Variants in FAM227B observed in about 807,000 individuals in gnomAD.
FAM227B encodes the protein protein FAM227B.
FAM227B carries 88 observed loss-of-function variants against 73.8 expected under a neutral mutation model. That is an observed-to-expected ratio of 1.19 (90% CI 1.00 to 1.42). The LOEUF is 1.42. Ranked by LOEUF, FAM227B falls within the 40% of genes most tolerant of loss-of-function variation. The probability of loss-of-function intolerance (pLI) is 0.00; values close to 1 mark genes in which losing one functional copy is unlikely to be tolerated. For synonymous variants in FAM227B, 210 were observed against 190.5 expected, an observed-to-expected ratio of 1.10 and a Z score of -0.84; for missense variants, 632 against 590.9, an observed-to-expected ratio of 1.07 and a Z score of -0.72.
chr15:49,437,902 C>T (rs1486386291), intron 11 of FAM227B, among the ~76,000 whole-genome samples: 1 of 151,530 alleles, frequency 6.6e-6, no homozygotes, highest in African/African-American at 2.4e-5. Flanking sequence ...CTAACAGAAC[C>T]TGGGAGAGAA....
At chr15:49,594,307 G>A (rs1273431146) in intron 3 of FAM227B, among the ~76,000 whole-genome samples, 10 of 151,946 alleles carry the variant, frequency 6.6e-5, no homozygotes, top group African/African-American at 1.7e-4. Context: ...TGAGTTCCTT[G>A]TAGACTCTGG....
chr15:49,475,065 A>G (rs978131630), intron 11 of FAM227B, among the ~76,000 whole-genome samples: 94 of 152,238 alleles, frequency 6.2e-4, no homozygotes, highest in Non-Finnish European at 1.2e-3. Context: ...ATACAATATA[A>G]TAAATTATCA....
At chr15:49,537,033 AT>A (rs1959197837) in intron 10 of FAM227B, among the ~76,000 whole-genome samples, 1 of 152,130 alleles carries the variant, frequency 6.6e-6, no homozygotes, top group Non-Finnish European at 1.5e-5. Context: ...TATCATACCA[AT>A]AGCTTGGGCT....
intron 13 of FAM227B, among the ~76,000 whole-genome samples, chr15:49,341,889 C>G (rs560281130): frequency 6.6e-6 from 1 of 152,006 alleles, no homozygotes; most frequent in South Asian, 2.1e-4. Context: ...ATTTTTATTC[C>G]AAGAGTATGG....
chr15:49,520,847 C>T (rs1244871684), intron 10 of FAM227B, among the ~76,000 whole-genome samples: 1 of 151,900 alleles, frequency 6.6e-6, no homozygotes, highest in African/African-American at 2.4e-5. Context: ...GAAGCTGGGC[C>T]ACAGGAAAGG....
At chr15:49,493,338 G>A (rs184546041) in intron 11 of FAM227B, among the ~76,000 whole-genome samples, 202 of 151,988 alleles carry the variant, frequency 1.3e-3, no homozygotes, top group Admixed American at 5.8e-3. Flanking sequence ...CAACAAATTG[G>A]TTCCATCCAT....
intron 11 of FAM227B, among the ~76,000 whole-genome samples, chr15:49,433,270 C>G (rs183792143): frequency 6.6e-6 from 1 of 151,514 alleles, no homozygotes; most frequent in Non-Finnish European, 1.5e-5. Flanking sequence ...ATGATTCTTT[C>G]TGTTTGCATT....
At chr15:49,401,053 G>A (rs1202155027) in intron 11 of FAM227B, among the ~76,000 whole-genome samples, 4 of 152,322 alleles carry the variant, frequency 2.6e-5, no homozygotes, top group East Asian at 1.9e-4. Context: ...TACCATCAGA[G>A]TGAACAGGCA....
chr15:49,488,076 A>G (rs2056554853), intron 11 of FAM227B: 1 of 152,014 alleles, frequency 6.6e-6, no homozygotes, highest in Admixed American at 6.6e-5. Flanking sequence ...CTGGCCAATC[A>G]GAATACATCA....
intron 13 of FAM227B, among the ~76,000 whole-genome samples, chr15:49,342,375 GT>G (rs1396645824): frequency 1.3e-5 from 2 of 152,042 alleles, no homozygotes; most frequent in African/African-American, 4.8e-5. Flanking sequence ...TTCCATTTAT[GT>G]GATAGAACTT....
chr15:49,471,500 A>G (rs1008881021), intron 11 of FAM227B, among the ~76,000 whole-genome samples: 2 of 146,136 alleles, frequency 1.4e-5, no homozygotes, highest in African/African-American at 5.0e-5. Context: ...TAATAATAAT[A>G]ATAATAATAA....
chr15:49,533,528 T>C (rs1478335742), intron 10 of FAM227B, among the ~76,000 whole-genome samples: 1 of 151,902 alleles, frequency 6.6e-6, no homozygotes, highest in African/African-American at 2.4e-5. Flanking sequence ...TCTGTTAATA[T>C]TTGCTTTATA....
chr15:49,432,919 C>T (rs2050745050), intron 11 of FAM227B, among the ~76,000 whole-genome samples: 1 of 151,472 alleles, frequency 6.6e-6, no homozygotes, highest in Admixed American at 6.6e-5. Context: ...AAAACATTTC[C>T]TATGCTATAA....
chr15:49,360,705 A>G (rs557042462), intron 13 of FAM227B, among the ~76,000 whole-genome samples: 2 of 152,324 alleles, frequency 1.3e-5, no homozygotes, highest in East Asian at 3.9e-4. Context: ...CATAATTCAA[A>G]TATCAAGTGA....
At chr15:49,576,548 G>C in intron 7 of FAM227B, 193 bp downstream of exon 7, 3 of 492,756 alleles carry the variant, frequency 6.1e-6, no homozygotes, top group Non-Finnish European at 1.1e-5. Flanking sequence ...TCCCAAAGCA[G>C]TAACACAGAG....
chr15:49,513,805 T>A (rs956466216), intron 10 of FAM227B, among the ~76,000 whole-genome samples: 1 of 152,162 alleles, frequency 6.6e-6, no homozygotes, highest in African/African-American at 2.4e-5. Context: ...CAGTTTTAGT[T>A]TTCTGCATAT....
intron 12 of FAM227B, among the ~76,000 whole-genome samples, chr15:49,369,829 T>A (rs1010277586): frequency 1.3e-5 from 2 of 152,248 alleles, no homozygotes; most frequent in Non-Finnish European, 2.9e-5. Flanking sequence ...GCTCTCTACA[T>A]ATTTGAAAAC....
intron 5 of FAM227B, 80 bp from the exon 6 acceptor site, chr15:49,577,744 G>T: frequency 1.3e-6 from 1 of 768,934 alleles, no homozygotes. Flanking sequence ...CAGTTAACTA[G>T]TATGCATAGA....
intron 11 of FAM227B, among the ~76,000 whole-genome samples, chr15:49,452,693 G>A (rs912196194): frequency 3.3e-5 from 5 of 152,136 alleles, no homozygotes; most frequent in African/African-American, 1.2e-4. Context: ...CTGGGCAAAT[G>A]AGTCAGTCTC....
Sources: allele counts gnomAD v4.1 joint callset (sites outside exome capture counted in the v4.1 genomes callset), GRCh38; gene constraint gnomAD v4.1.1; transcripts MANE v1.5; gene names NCBI Gene and HGNC (gene_info 2026-07-23, HGNC 2026-07-21).